The following CISH variants were observed in gnomAD, a reference collection of about 807,000 sequenced individuals.
CISH encodes the protein cytokine-inducible SH2-containing protein.
Under a neutral mutation model 21.3 loss-of-function variants are expected in CISH, and 11 were observed. That is an observed-to-expected ratio of 0.52 (90% CI 0.32 to 0.85). CISH has a LOEUF of 0.85. Among genes scored for constraint, CISH ranks in the 40% least tolerant of loss-of-function variants. The pLI, the probability that CISH is intolerant of heterozygous loss-of-function variation, is 0.03. For synonymous variants in CISH, 118 were observed against 142.3 expected (o/e 0.83, Z 1.22); for missense variants, 280 against 351.7 (o/e 0.80, Z 1.63).
At chr3:50,608,234 G>A (rs1322973877) in intron 2 of CISH, 92 bp from the exon 3 acceptor site, 5 of 1,506,872 alleles carry the variant, frequency 3.3e-6, no homozygotes, top group East Asian at 4.6e-5. Context: ...CCAGCTTCAC[G>A]CTTCCCTAGA....
In CISH at chr3:50,608,075, C is replaced by T. The variant is rs1432465913; in HGVS notation, c.309G>A (p.Thr103=). The change falls in exon 3 of 3, where the codon ACG becomes ACA. Residue 103 remains threonine (T), a synonymous_variant. Coordinates refer to ENST00000348721, the MANE Select transcript of CISH (RefSeq NM_145071.4). ...RQHLQKMPEG[T]FLVRDSTHPS... is the part of the protein sequence containing the mutation. The stretch of plus-strand genomic sequence containing the variant: ...GGTGCGTGCTGTCACGTACTAAGAA[C>T]GTGCCTTCTGGCATCTTCTGCAGGT... 12 of 1,613,202 alleles carry T rather than the reference C, an allele frequency of 7.4e-6. No individual in the cohort carries two copies. The highest frequency in any genetic ancestry group is 4.5e-5 in the East Asian group (2 of 44,870).
intron 1 of CISH, chr3:50,609,493 G>C (rs2032258552): frequency 6.6e-6 from 1 of 152,260 alleles, no homozygotes; most frequent in Admixed American, 6.5e-5. Flanking sequence ...TTCTTGGATG[G>C]CTGGGGTTGG....
rs2032187881 is a variant in CISH at position 50,607,496 on chromosome 3, A to G, written c.*111T>C. On this transcript the variant is annotated 3_prime_UTR_variant, in exon 3 of 3. Coordinates refer to ENST00000348721, the MANE Select transcript of CISH (RefSeq NM_145071.4). ...TCTTCCTGGGCCAGCTGCCAGAGGT[A>G]TGCAGGCACCAGGATGCCTGGAGGA... 5.3e-6 allele frequency: 6 copies of G among 1,131,154 alleles called. No homozygotes were observed. Among genetic ancestry groups the G allele is most frequent in the African/African-American group, 1.6e-5 (1 of 64,336 alleles). 70.1% of individuals were successfully genotyped at this position (1,131,154 alleles called of 1,614,324 possible). A position where few individuals can be genotyped will look rare whatever the true frequency, so the allele number is the denominator to read the frequency against.
At position 50,607,974 on chromosome 3, in the gene CISH, C is replaced by T. The variant is rs1475015141; in HGVS notation, c.410G>A (p.Ser137Asn). 1 of 1,614,050 alleles carries T rather than the reference C, an allele frequency of 6.2e-7. No individual in the cohort carries two copies. The highest frequency in any genetic ancestry group is 8.5e-7 in the Non-Finnish European group (1 of 1,180,030). The change falls in exon 3 of 3, where the codon AGC (serine) becomes AAC (asparagine). Residue 137 changes from serine (S) to asparagine (N), a missense_variant. Transcript: ENST00000348721. ...TNVRIEYADS[S>N]FRLDSNCLSR... ...CAAGCAGTTGGAGTCCAGACGGAAGCTGGAGTCGGCATACTCAATGCGTAC... is the reference window on the plus strand; with the variant it reads ...CAAGCAGTTGGAGTCCAGACGGAAGTTGGAGTCGGCATACTCAATGCGTAC...
At position 50,607,628 on chromosome 3, in the gene CISH, T is replaced by C; in HGVS notation, c.756A>G (p.Arg252=). 1.9e-6 allele frequency: 3 copies of C among 1,612,806 alleles called. No individual in the cohort carries two copies. Among genetic ancestry groups the C allele is most frequent in the East Asian group, 4.5e-5 (2 of 44,900 alleles). ...ACAGTCAGAGCTGGAAGGGGTACTGTCGGAGGTAGTCGGCCATGCGCCGGG... is the reference window on the plus strand; with the variant it reads ...ACAGTCAGAGCTGGAAGGGGTACTGCCGGAGGTAGTCGGCCATGCGCCGGG... The part of the protein sequence containing the change: ...PLPRRMADYL[R]QYPFQL Residue 252 remains arginine (R), a synonymous_variant, in exon 3 of 3, where the codon CGA becomes CGG. Transcript: ENST00000348721.
intron 1 of CISH, chr3:50,611,326 G>A: frequency 1.5e-6 from 2 of 1,321,298 alleles, no homozygotes; most frequent in Non-Finnish European, 1.9e-6. Context: ...GCCACATCTT[G>A]GGGGACGCCG....
Position 50,607,633 on chromosome 3 carries a change from G to T in CISH, c.751C>A (p.Leu251Ile). The T allele has an allele frequency of 6.2e-7, 1 of 1,613,332 alleles. No individual in the cohort carries two copies. Among genetic ancestry groups the T allele is most frequent in the Non-Finnish European group, 8.5e-7 (1 of 1,179,886 alleles). ...LPLPRRMADY[L>I]RQYPFQL ...CAGAGCTGGAAGGGGTACTGTCGGAGGTAGTCGGCCATGCGCCGGGGCAGT... is the reference window on the plus strand; with the variant it reads ...CAGAGCTGGAAGGGGTACTGTCGGATGTAGTCGGCCATGCGCCGGGGCAGT... Residue 251 changes from leucine to isoleucine, a missense_variant, in exon 3 of 3, where the codon CTC becomes ATC. By Grantham distance (5) the Leu-to-Ile change is conservative. Coordinates refer to ENST00000348721, the MANE Select transcript of CISH (RefSeq NM_145071.4).
In CISH at chr3:50,607,968, CG is replaced by C; in HGVS notation, c.415del (p.Arg139ValfsTer70). On this transcript the variant is annotated frameshift_variant, in exon 3 of 3. Transcript: ENST00000348721. LOFTEE classifies it high-confidence loss of function. Reference sequence around the variant, plus strand: ...CCTGGACAAGCAGTTGGAGTCCAGACGGAAGCTGGAGTCGGCATACTCAATG... The same window carrying C: ...CCTGGACAAGCAGTTGGAGTCCAGACGAAGCTGGAGTCGGCATACTCAATG... ...VRIEYADSSF[R>X]LDSNCLSRPR... The C allele has an allele frequency of 6.2e-7, 1 of 1,613,992 alleles. No individual in the cohort carries two copies. The highest frequency in any genetic ancestry group is 8.5e-7 in the Non-Finnish European group (1 of 1,180,028).
Position 50,611,719 on chromosome 3 carries a change from G to A in CISH, c.-69C>T, listed in dbSNP as rs2032333035. 1.4e-6 allele frequency: 2 copies of A among 1,427,318 alleles called. No homozygotes were observed. The highest frequency in any genetic ancestry group is 1.8e-6 in the Non-Finnish European group (2 of 1,092,100). The allele number at this position is 1,427,318 out of a possible 1,614,324, so 88.4% of individuals were successfully genotyped here. ...CGGCGGCGGCTGGAGGGAACCAGTG[G>A]GCGCGGAGCGCGTGCTGGGTAGGCT... On this transcript the variant is annotated 5_prime_UTR_variant, in exon 1 of 3. Coordinates refer to ENST00000348721, the MANE Select transcript of CISH (RefSeq NM_145071.4).
chr3:50,611,574 C>T, intron 1 of CISH, 57 bp downstream of exon 1: 1 of 1,525,932 alleles, frequency 6.6e-7, no homozygotes. Flanking sequence ...CACGAAGCCC[C>T]TGTTCTCCCG....
rs2032322248 is a variant in CISH at position 50,611,435 on chromosome 3, G to C, written c.20+196C>G. 8.7e-6 allele frequency: 12 copies of C among 1,372,442 alleles called. No individual in the cohort carries two copies. In the South Asian group the frequency reaches 2.0e-4, roughly 23 times the overall value. 85.0% of individuals were successfully genotyped at this position (1,372,442 alleles called of 1,614,324 possible). ...AGCCCCCGGTTTCCCAATCCACAGT[G>C]GGAATTGAGGTAAGTGTGTGGGGGC... On this transcript the variant is annotated intron_variant, in intron 1 of 2. Coordinates refer to ENST00000348721, the MANE Select transcript of CISH (RefSeq NM_145071.4).
At position 50,606,720 on chromosome 3, in the gene CISH, C is replaced by A. The variant is rs919001220; in HGVS notation, c.*887G>T. ...TGCAGTGGCGGCCCTCAAACCAGCA[C>A]CCCCTCTTCCTGACAGCACAGGCAC... On this transcript the variant is annotated 3_prime_UTR_variant, in exon 3 of 3. Transcript: ENST00000348721. 1 of 152,364 alleles carries A rather than the reference C, an allele frequency of 6.6e-6. No homozygotes were observed. The highest frequency in any genetic ancestry group is 1.5e-5 in the Non-Finnish European group (1 of 68,168). The allele number at this position is 152,364 out of a possible 1,614,324, so 9.4% of individuals were successfully genotyped here.
rs146390139 is a variant in CISH, at chr3:50,607,673, G to A, written c.711C>T (p.Asp237=). Reference sequence around the variant, plus strand: ...GCCGGGGCAGTGGCAGGCAGTCCACGTCGGCCACCAGACGGTTGATGACAA... The same window carrying A: ...GCCGGGGCAGTGGCAGGCAGTCCACATCGGCCACCAGACGGTTGATGACAA... ...CRLVINRLVA[D]VDCLPLPRRM... Residue 237 remains aspartate, a synonymous_variant, in exon 3 of 3, where the codon GAC becomes GAT. Transcript: ENST00000348721. The A allele has an allele frequency of 1.3e-4, 210 of 1,613,532 alleles. No homozygotes were observed. Among genetic ancestry groups the A allele is most frequent in the Non-Finnish European group, 1.6e-4 (193 of 1,179,970 alleles).
At chr3:50,608,299 C>T (rs1450324695) in intron 2 of CISH, 74 bp downstream of exon 2, 1 of 1,485,990 alleles carries the variant, frequency 6.7e-7, no homozygotes, top group Non-Finnish European at 9.1e-7. Flanking sequence ...CCTCCCAAAT[C>T]AGACTCAAAG....
chr3:50,607,428 G>A lies in CISH; in HGVS notation c.*179C>T. ...GCGGCCTGGGGGCATTTACCTCCAAGTTGTGTGACACCTCCCCTCTCCCAT... is the reference window on the plus strand; with the variant it reads ...GCGGCCTGGGGGCATTTACCTCCAAATTGTGTGACACCTCCCCTCTCCCAT... On this transcript the variant is annotated 3_prime_UTR_variant, in exon 3 of 3. Transcript: ENST00000348721. The A allele has an allele frequency of 3.1e-6, 2 of 645,594 alleles. No homozygotes were observed. Among genetic ancestry groups the A allele is most frequent in the Non-Finnish European group, 2.7e-6 (1 of 373,024 alleles). The allele number at this position is 645,594 out of a possible 1,614,324, so 40.0% of individuals were successfully genotyped here. A position where few individuals can be genotyped will look rare whatever the true frequency, so the allele number is the denominator to read the frequency against.
chr3:50,611,774 T>C lies in CISH; in HGVS notation c.-124A>G, dbSNP rs984995987. On this transcript the variant is annotated 5_prime_UTR_variant, in exon 1 of 3. Coordinates refer to ENST00000348721, the MANE Select transcript of CISH (RefSeq NM_145071.4). ...GGGCGCGCGGGCGCAGGACAGGGAC[T>C]GAGAGGCAGTGGCGCGGACCGCCTG... is the stretch of plus-strand genomic sequence containing the variant. 9.3e-6 allele frequency: 12 copies of C among 1,296,130 alleles called. No individual in the cohort carries two copies. Among genetic ancestry groups the C allele is most frequent in the Non-Finnish European group, 1.2e-5 (12 of 1,002,036 alleles). The allele number at this position is 1,296,130 out of a possible 1,614,324, so 80.3% of individuals were successfully genotyped here.
chr3:50,607,640 G>A lies in CISH; in HGVS notation c.744C>T (p.Ala248=), dbSNP rs767126719. 1.9e-6 allele frequency: 3 copies of A among 1,613,466 alleles called. No homozygotes were observed. Among genetic ancestry groups the A allele is most frequent in the East Asian group, 2.2e-5 (1 of 44,880 alleles). Residue 248 remains alanine, a synonymous_variant, in exon 3 of 3, where the codon GCC becomes GCT. Transcript: ENST00000348721. The part of the protein sequence containing the change: ...VDCLPLPRRM[A]DYLRQYPFQL ...GGAAGGGGTACTGTCGGAGGTAGTC[G>A]GCCATGCGCCGGGGCAGTGGCAGGC...
intron 1 of CISH, chr3:50,610,698 T>A (rs2032298251): frequency 7.4e-7 from 1 of 1,348,714 alleles, no homozygotes; most frequent in Non-Finnish European, 9.6e-7. Flanking sequence ...CTCCATGTCC[T>A]CTTCCTTGGC....
At chr3:50,611,231 G>C (rs1455290404) in intron 1 of CISH, 1 of 1,074,170 alleles carries the variant, frequency 9.3e-7, no homozygotes, top group East Asian at 7.4e-5. Flanking sequence ...GGGGGCCAGG[G>C]GCTGGTCCAA....
Sources: gnomAD v4.1 joint callset for allele counts on GRCh38, gnomAD v4.1.1 for gene constraint, MANE v1.5 for transcripts, NCBI Gene and HGNC (gene_info 2026-07-23, HGNC 2026-07-21) for gene names.